CARMIL1: variants seen among roughly 807,000 people sequenced by gnomAD.
CARMIL1 encodes the protein capping protein regulator and myosin 1 linker 1.
CARMIL1 carries 90 observed loss-of-function variants against 177.1 expected under a neutral mutation model. The observed-to-expected ratio is 0.51, with a 90% CI of 0.43 to 0.61. The LOEUF (loss-of-function observed/expected upper bound fraction) is 0.61. CARMIL1 is among the 20% of genes least tolerant of loss of function. The probability of loss-of-function intolerance (pLI) is 0.00; values close to 1 mark genes in which losing one functional copy is unlikely to be tolerated. For synonymous variants in CARMIL1, 577 were observed against 606.2 expected, an observed-to-expected ratio of 0.95 and a Z score of 0.71; for missense variants, 1,380 against 1,667.0, an observed-to-expected ratio of 0.83 and a Z score of 3.00.
intron 2 of CARMIL1, among the ~76,000 whole-genome samples, chr6:25,381,869 G>A (rs535210524): frequency 6.6e-6 from 1 of 152,176 alleles, no homozygotes; most frequent in East Asian, 1.9e-4. Flanking sequence ...CCAGAAATGG[G>A]GCAGGGGCTG....
chr6:25,614,138 T>A (rs1308165526), intron 36 of CARMIL1, among the ~76,000 whole-genome samples: 1 of 152,172 alleles, frequency 6.6e-6, no homozygotes, highest in African/African-American at 2.4e-5. Context: ...CAAAAAAACA[T>A]CTACCAACTG....
In CARMIL1 at chr6:25,415,544, C is replaced by T. The variant is rs1795285554; in HGVS notation, c.139-4570C>T. Among the ~76,000 whole-genome samples, 3 of 150,310 alleles carry T rather than the reference C, an allele frequency of 2.0e-5. No homozygotes were observed. The Admixed American group carries it at 2.0e-4, about 10-fold the overall frequency. Reference sequence around the variant, plus strand: ...CAACAATTGTCAAAGGATGGAATGGCTGGCTGGTTCCTTGTGTTAGTGATT... The same window carrying T: ...CAACAATTGTCAAAGGATGGAATGGTTGGCTGGTTCCTTGTGTTAGTGATT... On this transcript the variant is annotated intron_variant, in intron 2 of 36. Coordinates refer to ENST00000329474, the MANE Select transcript of CARMIL1 (RefSeq NM_017640.6).
At chr6:25,486,187 C>CT (rs1424086094) in intron 12 of CARMIL1, among the ~76,000 whole-genome samples, 1 of 152,148 alleles carries the variant, frequency 6.6e-6, no homozygotes, top group Non-Finnish European at 1.5e-5. Context: ...TTAGTTAGGG[C>CT]TGTAAGAGCC....
intron 2 of CARMIL1, among the ~76,000 whole-genome samples, chr6:25,406,677 A>C (rs1562095554): frequency 6.6e-6 from 1 of 152,148 alleles, no homozygotes; most frequent in Admixed American, 6.6e-5. Flanking sequence ...GAAGGGGACA[A>C]TGCTTGGATT....
rs567683679 is a variant in CARMIL1, at chr6:25,369,323, C to T, written c.139-50791C>T. Among the ~76,000 whole-genome samples, 6 of 151,822 alleles carry T rather than the reference C, an allele frequency of 4.0e-5. 1 individual carries two copies. Among genetic ancestry groups the T allele is most frequent in the Admixed American group, 2.0e-4 (3 of 15,256 alleles). On this transcript the variant is annotated intron_variant, in intron 2 of 36. Coordinates refer to ENST00000329474, the MANE Select transcript of CARMIL1 (RefSeq NM_017640.6). Reference sequence around the variant, plus strand: ...GTGTCTCGAGCTTTAGTTTAATTCTCAACCCATTGATCGCTCTTGCAGTCA... The same window carrying T: ...GTGTCTCGAGCTTTAGTTTAATTCTTAACCCATTGATCGCTCTTGCAGTCA...
At chr6:25,357,623 G>A (rs1788767327) in intron 2 of CARMIL1, among the ~76,000 whole-genome samples, 1 of 152,068 alleles carries the variant, frequency 6.6e-6, no homozygotes, top group Non-Finnish European at 1.5e-5. Flanking sequence ...TTTTTTGAGT[G>A]TTATGGAGTT....
intron 33 of CARMIL1, 127 bp from the exon 34 acceptor site, chr6:25,604,685 A>G: frequency 1.4e-6 from 1 of 706,454 alleles, no homozygotes; most frequent in South Asian, 1.8e-5. Flanking sequence ...CAGGTCAGGC[A>G]CAGTCACCAT....
chr6:25,509,825 C>T lies in CARMIL1; in HGVS notation c.1477+88C>T, dbSNP rs1353771206. 5 of 869,356 alleles carry T rather than the reference C, an allele frequency of 5.8e-6. No homozygotes were observed. The highest frequency in any genetic ancestry group is 9.0e-6 in the Non-Finnish European group (5 of 558,528). The allele number at this position is 869,356 out of a possible 1,614,324, so 53.9% of individuals were successfully genotyped here. On this transcript the variant is annotated intron_variant, in intron 18 of 36. Coordinates refer to ENST00000329474, the MANE Select transcript of CARMIL1 (RefSeq NM_017640.6). This position sits in a 1 kb window ranked among gnomAD's most constrained non-coding sequence, Gnocchi z 4.1. ...AAATAATCTTCTACCCAAATCCAAA[C>T]AATAGCTTAATAAAAAAATTGTTTT...
At chr6:25,306,497 TC>T (rs961354195) in intron 2 of CARMIL1, among the ~76,000 whole-genome samples, 1 of 151,866 alleles carries the variant, frequency 6.6e-6, no homozygotes, top group Non-Finnish European at 1.5e-5. Context: ...CCATCTCTCC[TC>T]CCCCCCACTT....
Position 25,447,728 on chromosome 6 carries a change from C to A in CARMIL1, c.372-2170C>A, listed in dbSNP as rs898673483. On this transcript the variant is annotated intron_variant, in intron 5 of 36. Coordinates refer to ENST00000329474, the MANE Select transcript of CARMIL1 (RefSeq NM_017640.6). ...CCATGGTGAAAAAACAGCCCTCCCC[C>A]TCTGACTACAGCCTTTCACTTCCTC... Among the ~76,000 whole-genome samples the A allele has an allele frequency of 3.9e-5, 6 of 152,194 alleles. No homozygotes were observed. The East Asian group carries it at 9.7e-4, about 25-fold the overall frequency.
intron 2 of CARMIL1, among the ~76,000 whole-genome samples, chr6:25,330,729 T>G (rs923375179): frequency 1.3e-5 from 2 of 150,024 alleles, no homozygotes; most frequent in East Asian, 2.0e-4. Context: ...GGATCTGGAG[T>G]GGCACAAGCC....
intron 2 of CARMIL1, among the ~76,000 whole-genome samples, chr6:25,334,492 T>G (rs1786014323): frequency 6.6e-6 from 1 of 150,816 alleles, no homozygotes; most frequent in Non-Finnish European, 1.5e-5. Context: ...GAATTTGCAG[T>G]TATCAGCTTA....
rs143049270 is a variant in CARMIL1 at position 25,438,609 on chromosome 6, C to T, written c.371+3005C>T. 2.6e-3 allele frequency among the ~76,000 whole-genome samples: 400 copies of T among 152,278 alleles called. 3 individuals are homozygous for T. The highest frequency in any genetic ancestry group is 0.014 in the Middle Eastern group (4 of 294). On this transcript the variant is annotated intron_variant, in intron 5 of 36. Coordinates refer to ENST00000329474, the MANE Select transcript of CARMIL1 (RefSeq NM_017640.6). ...CTTCTGTTCATGCTATTTCTCTTGC[C>T]TAGAAAGGGCTTGGTATCTCTGAGA...
intron 11 of CARMIL1, among the ~76,000 whole-genome samples, chr6:25,478,917 C>A (rs1311923179): frequency 2.0e-5 from 3 of 152,116 alleles, no homozygotes; most frequent in Non-Finnish European, 4.4e-5. Flanking sequence ...TTCCTCTCAG[C>A]CTTATTTTTG....
At chr6:25,590,776 G>A (rs1231020250) in intron 31 of CARMIL1, among the ~76,000 whole-genome samples, 3 of 151,874 alleles carry the variant, frequency 2.0e-5, no homozygotes, top group East Asian at 1.9e-4. Context: ...TATAGAATTC[G>A]TTTAAGTTTT....
chr6:25,514,526 G>C (rs535348115), intron 20 of CARMIL1, among the ~76,000 whole-genome samples: 5 of 142,206 alleles, frequency 3.5e-5, no homozygotes, highest in East Asian at 2.0e-4. Flanking sequence ...CTCCAGCTTG[G>C]GGGGACAGAG....
intron 24 of CARMIL1, among the ~76,000 whole-genome samples, chr6:25,535,493 G>A (rs1485760144): frequency 6.6e-6 from 1 of 152,022 alleles, no homozygotes; most frequent in Admixed American, 6.6e-5. Context: ...GGAATGACAG[G>A]GTACATTTTC....
At position 25,426,551 on chromosome 6, in the gene CARMIL1, G is replaced by A; in HGVS notation, c.240G>A (p.Lys80=). Reference sequence around the variant, plus strand: ...AGATTCATGGCGTCGTTTGCAGCAAGTCAGCTCAGGTGAGTGTGAAAAATG... The same window carrying A: ...AGATTCATGGCGTCGTTTGCAGCAAATCAGCTCAGGTGAGTGTGAAAAATG... ...YLEIHGVVCS[K]SAQMIVETEK... is the part of the protein sequence containing the mutation. Residue 80 remains lysine (K), a synonymous_variant, in exon 4 of 37, where the codon AAG becomes AAA. Transcript: ENST00000329474. 6.2e-7 allele frequency: 1 copy of A among 1,612,080 alleles called. No homozygotes were observed.
intron 27 of CARMIL1, among the ~76,000 whole-genome samples, chr6:25,552,432 A>G (rs1467898416): frequency 6.6e-6 from 1 of 152,184 alleles, no homozygotes; most frequent in African/African-American, 2.4e-5. Context: ...ATACACATCA[A>G]TGAATCAATT....
Sources: allele counts gnomAD v4.1 joint callset (sites outside exome capture counted in the v4.1 genomes callset), GRCh38; gene constraint gnomAD v4.1.1; non-coding constraint Gnocchi (gnomAD v3.1); transcripts MANE v1.5; gene names NCBI Gene and HGNC (gene_info 2026-07-23, HGNC 2026-07-21).